KBTBD11: variants seen among roughly 807,000 people sequenced by gnomAD.
The protein encoded by KBTBD11 is kelch repeat and BTB domain containing 11.
For missense variants in KBTBD11, 1,390 were observed against 1,001.8 expected (o/e 1.39, Z -5.23); for synonymous variants, 747 against 499.0 (o/e 1.50, Z -6.63).
intron 1 of KBTBD11, chr8:1,974,492 C>T: frequency 1.0e-6 from 1 of 984,652 alleles, no homozygotes; most frequent in South Asian, 4.7e-5. Flanking sequence ...GGGGGTCTCT[C>T]CTGGACTCGG....
chr8:1,981,318 A>G (rs899744768), intron 1 of KBTBD11, among the ~76,000 whole-genome samples: 1 of 152,212 alleles, frequency 6.6e-6, no homozygotes, highest in African/African-American at 2.4e-5. Flanking sequence ...AAAGAAAAGG[A>G]CACTAATTAG....
intron 1 of KBTBD11, among the ~76,000 whole-genome samples, chr8:1,992,831 ATTTTT>A (rs57768291): frequency 6.6e-6 from 1 of 150,618 alleles, no homozygotes; most frequent in Non-Finnish European, 1.5e-5. Flanking sequence ...TCTTTTATTT[ATTTTT>A]TTTTTTCAAA....
rs1817494997 is a variant in KBTBD11 at position 2,003,974 on chromosome 8, G to C, written c.*910G>C. Reference sequence around the variant, plus strand: ...ACGAGATAAAATATTCCTAAAAAGCGGGGAAAATCATTTTGCTTTGACAGT... The same window carrying C: ...ACGAGATAAAATATTCCTAAAAAGCCGGGAAAATCATTTTGCTTTGACAGT... On this transcript the variant is annotated 3_prime_UTR_variant, in exon 2 of 2. Transcript: ENST00000320248. The C allele has an allele frequency of 6.0e-6, 1 of 166,770 alleles. No homozygotes were observed. Among genetic ancestry groups the C allele is most frequent in the Non-Finnish European group, 1.5e-5 (1 of 68,122 alleles). 10.3% of individuals were successfully genotyped at this position (166,770 alleles called of 1,614,324 possible).
At chr8:1,998,482 G>A (rs999423505) in intron 1 of KBTBD11, among the ~76,000 whole-genome samples, 1 of 152,210 alleles carries the variant, frequency 6.6e-6, no homozygotes, top group African/African-American at 2.4e-5. Flanking sequence ...TTGACTGATT[G>A]CATGACTTCC....
At chr8:1,994,166 A>C (rs544396904) in intron 1 of KBTBD11, among the ~76,000 whole-genome samples, 1 of 152,144 alleles carries the variant, frequency 6.6e-6, no homozygotes, top group Admixed American at 6.5e-5. Context: ...ACTTCTTCCA[A>C]TTAAGTCCTG....
At chr8:1,980,871 A>C (rs916096928) in intron 1 of KBTBD11, among the ~76,000 whole-genome samples, 3 of 152,238 alleles carry the variant, frequency 2.0e-5, no homozygotes, top group Admixed American at 6.5e-5. Flanking sequence ...GACCACAGAA[A>C]GCCTGCCTGC....
At chr8:1,998,902 C>T (rs7832559) in intron 1 of KBTBD11, among the ~76,000 whole-genome samples, 33,946 of 152,128 alleles carry the variant, frequency 0.22, 5,713 homozygotes, top group African/African-American at 0.47. Flanking sequence ...GTCCTTTCCC[C>T]GGCCCTGGAC....
rs1171908952 is a variant in KBTBD11 at position 2,003,235 on chromosome 8, C to T, written c.*171C>T. 2 of 1,099,992 alleles carry T rather than the reference C, an allele frequency of 1.8e-6. No homozygotes were observed. Among genetic ancestry groups the T allele is most frequent in the East Asian group, 3.3e-5 (1 of 30,632 alleles). The allele number at this position is 1,099,992 out of a possible 1,614,324, so 68.1% of individuals were successfully genotyped here. A position where few individuals can be genotyped will look rare whatever the true frequency, so the allele number is the denominator to read the frequency against. ...TCAGGGCCGCTTTCGCTTTGCTTTC[C>T]TTTTGCTTGTCTTTGCTTCTGGGGG... On this transcript the variant is annotated 3_prime_UTR_variant, in exon 2 of 2. Coordinates refer to ENST00000320248, the MANE Select transcript of KBTBD11 (RefSeq NM_014867.3).
At chr8:1,992,211 C>G (rs939355881) in intron 1 of KBTBD11, among the ~76,000 whole-genome samples, 1 of 152,148 alleles carries the variant, frequency 6.6e-6, no homozygotes, top group African/African-American at 2.4e-5. Flanking sequence ...TTCCTCATCC[C>G]TGAGCCCGGG....
chr8:1,984,742 G>GAAAC (rs1167680590), intron 1 of KBTBD11, among the ~76,000 whole-genome samples: 2 of 152,086 alleles, frequency 1.3e-5, no homozygotes, highest in African/African-American at 4.8e-5. Context: ...GCAGACTTTT[G>GAAAC]AAACAAACTG....
rs1291179896 is a variant in KBTBD11, at chr8:2,002,588, C to CG, written c.1396_1397insG (p.Leu466ArgfsTer9). The CG allele has an allele frequency of 1.9e-6, 3 of 1,584,502 alleles. No individual in the cohort carries two copies. Among genetic ancestry groups the CG allele is most frequent in the Non-Finnish European group, 2.6e-6 (3 of 1,174,276 alleles). ...CGAGATCTACGTGTCCGGGGGCTCC[C>CG]TCTTCTATCGCCTGCTCAAGTATGA... On this transcript the variant is annotated frameshift_variant, in exon 2 of 2. Coordinates refer to ENST00000320248, the MANE Select transcript of KBTBD11 (RefSeq NM_014867.3). LOFTEE classifies it low-confidence loss of function (END_TRUNC). The surrounding 1 kb of genome is among the most constrained non-coding windows in gnomAD (Gnocchi z 4.1).
rs1817454159 is a variant in KBTBD11, at chr8:2,002,978, GC to G, written c.1791del (p.Leu598TrpfsTer96). ...GQGGGFEALG[A>X]PLDVRGVLIP... ...GGGCGGCGGCTTCGAGGCGCTGGGC[GC>G]CCCCTTGGACGTCCGGGGTGTGCTC... On this transcript the variant is annotated frameshift_variant, in exon 2 of 2. Coordinates refer to ENST00000320248, the MANE Select transcript of KBTBD11 (RefSeq NM_014867.3). LOFTEE classifies it low-confidence loss of function (END_TRUNC). The surrounding 1 kb of genome is among the most constrained non-coding windows in gnomAD (Gnocchi z 4.1). 7.6e-7 allele frequency: 1 copy of G among 1,311,030 alleles called. No homozygotes were observed. The highest frequency in any genetic ancestry group is 9.7e-7 in the Non-Finnish European group (1 of 1,031,272). 81.2% of individuals were successfully genotyped at this position (1,311,030 alleles called of 1,614,324 possible). A position where few individuals can be genotyped will look rare whatever the true frequency, so the allele number is the denominator to read the frequency against.
intron 1 of KBTBD11, among the ~76,000 whole-genome samples, chr8:1,998,763 G>T (rs1817235407): frequency 1.3e-5 from 2 of 151,472 alleles, no homozygotes. Flanking sequence ...AGAGAAGTTT[G>T]TCTTAGATTT....
At chr8:1,986,388 A>G (rs1357058096) in intron 1 of KBTBD11, among the ~76,000 whole-genome samples, 4 of 152,220 alleles carry the variant, frequency 2.6e-5, no homozygotes, top group Non-Finnish European at 5.9e-5. Context: ...CCCTCCTTTC[A>G]GTTTATACCA....
chr8:1,974,337 C>T, intron 1 of KBTBD11: 1 of 984,716 alleles, frequency 1.0e-6, no homozygotes, highest in Non-Finnish European at 1.2e-6. Context: ...CAGTCACCGC[C>T]CCCGCCGAGG....
Position 1,974,582 on chromosome 8 carries a change from G to A in KBTBD11, c.-909+647G>A, listed in dbSNP as rs1010153340. The A allele has an allele frequency of 8.0e-4, 787 of 984,968 alleles. 1 individual carries two copies. The highest frequency in any genetic ancestry group is 3.9e-3 in the Admixed American group (63 of 16,250). 61.0% of individuals were successfully genotyped at this position (984,968 alleles called of 1,614,324 possible). A position where few individuals can be genotyped will look rare whatever the true frequency, so the allele number is the denominator to read the frequency against. The stretch of plus-strand genomic sequence containing the variant: ...GGGGGTGTCCTGGCTGCTGACCCCC[G>A]CGAGCCCCGAGCACCGCGACCCACC... On this transcript the variant is annotated intron_variant, in intron 1 of 1. Transcript: ENST00000320248.
intron 1 of KBTBD11, among the ~76,000 whole-genome samples, chr8:1,989,398 A>G (rs888434310): frequency 6.6e-6 from 1 of 152,194 alleles, no homozygotes; most frequent in Non-Finnish European, 1.5e-5. Context: ...GAGCGAGGAC[A>G]GGCGCCAGCG....
intron 1 of KBTBD11, among the ~76,000 whole-genome samples, chr8:1,980,325 C>G (rs547992824): frequency 1.4e-5 from 2 of 147,000 alleles, no homozygotes; most frequent in East Asian, 2.1e-4. Context: ...CTCCTGGGTT[C>G]AAGCATTTCT....
chr8:1,974,608 C>T, intron 1 of KBTBD11: 9 of 985,066 alleles, frequency 9.1e-6, no homozygotes, highest in Non-Finnish European at 1.1e-5. Flanking sequence ...GCGACCCACC[C>T]GCCCCACCGC....
Sources: allele counts gnomAD v4.1 joint callset (sites outside exome capture counted in the v4.1 genomes callset), GRCh38; gene constraint gnomAD v4.1.1; non-coding constraint Gnocchi (gnomAD v3.1); transcripts MANE v1.5; gene names NCBI Gene and HGNC (gene_info 2026-07-23, HGNC 2026-07-21).